CHPT1: variants seen among roughly 807,000 people sequenced by gnomAD.
CHPT1 encodes choline phosphotransferase 1, also known as cholinephosphotransferase 1.
CHPT1 carries 36 observed loss-of-function variants against 47.6 expected under a neutral mutation model. The observed-to-expected ratio is 0.76, with a 90% CI of 0.58 to 1.00. The LOEUF is 1.00. Among genes scored for constraint, CHPT1 ranks in the 50% least tolerant of loss-of-function variants. The pLI, the probability that CHPT1 is intolerant of heterozygous loss-of-function variation, is 0.00. For synonymous variants in CHPT1, 194 were observed against 186.3 expected, an observed-to-expected ratio of 1.04 and a Z score of -0.33; for missense variants, 458 against 498.1, an observed-to-expected ratio of 0.92 and a Z score of 0.77.
chr12:101,701,004 A>G lies in CHPT1; in HGVS notation c.273+2870A>G, dbSNP rs151050197. Among the ~76,000 whole-genome samples the G allele has an allele frequency of 7.2e-5, 11 of 152,318 alleles. No individual in the cohort carries two copies. In the East Asian group the frequency reaches 1.7e-3, roughly 24 times the overall value. On this transcript the variant is annotated intron_variant, in intron 1 of 8. Coordinates refer to ENST00000229266, the MANE Select transcript of CHPT1 (RefSeq NM_020244.3). ...TAGATGCTTGGGCTTATCTACTCAT[A>G]TAGGCTTTAATACTGAGTGCATGAA...
chr12:101,703,774 C>T (rs79975057), intron 1 of CHPT1, among the ~76,000 whole-genome samples: 5,474 of 152,156 alleles, frequency 0.036, 329 homozygotes, highest in African/African-American at 0.13. Context: ...TGGGTTAGAG[C>T]AGTTGCAGGA....
intron 5 of CHPT1, among the ~76,000 whole-genome samples, chr12:101,721,076 G>A (rs1951842806): frequency 6.6e-6 from 1 of 152,118 alleles, no homozygotes; most frequent in Admixed American, 6.6e-5. Flanking sequence ...GAGGTCAAGA[G>A]TTCGAGACCA....
chr12:101,722,707 TAAAAAAAA>T lies in CHPT1; in HGVS notation c.781-449_781-442del, dbSNP rs10605402. The stretch of plus-strand genomic sequence containing the variant: ...TGTCTCTACTAAAAACACAAAAAAT[TAAAAAAAA>T]AAAAAAAAAAAGAAAATAGGAAAAA... On this transcript the variant is annotated intron_variant, in intron 5 of 8. Transcript: ENST00000229266. Among the ~76,000 whole-genome samples, 532 of 113,790 alleles carry T rather than the reference TAAAAAAAA, an allele frequency of 4.7e-3. 6 individuals are homozygous for T. The highest frequency in any genetic ancestry group is 0.014 in the African/African-American group (473 of 33,728). The allele number at this position is 113,790 out of a possible 152,430, so 74.7% of individuals were successfully genotyped here.
intron 1 of CHPT1, among the ~76,000 whole-genome samples, chr12:101,700,103 T>C (rs1373438016): frequency 2.0e-5 from 3 of 152,212 alleles, no homozygotes; most frequent in Non-Finnish European, 2.9e-5. Context: ...TTAGTTTTGA[T>C]TGGGTCCAGA....
At chr12:101,711,803 AAAAAGAATTTACTAGTTTG>A (rs1465813516) in intron 1 of CHPT1, among the ~76,000 whole-genome samples, 5 of 148,920 alleles carry the variant, frequency 3.4e-5, no homozygotes, top group Non-Finnish European at 6.0e-5. Context: ...TTTATCTTTA[AAAAAGAATTTACTAGTTTG>A]AAAAGAATTT....
chr12:101,720,687 C>A (rs913394243), intron 5 of CHPT1, among the ~76,000 whole-genome samples: 1 of 152,162 alleles, frequency 6.6e-6, no homozygotes, highest in East Asian at 1.9e-4. Flanking sequence ...TTTAAAAGAA[C>A]TATTCTAATA....
intron 4 of CHPT1, chr12:101,719,847 C>T (rs892023268): frequency 3.1e-5 from 7 of 223,826 alleles, no homozygotes; most frequent in South Asian, 7.4e-5. Flanking sequence ...ATTGATTGCT[C>T]ACAGTCAGTT....
intron 1 of CHPT1, among the ~76,000 whole-genome samples, chr12:101,708,960 T>G (rs1951669929): frequency 6.7e-6 from 1 of 149,158 alleles, no homozygotes; most frequent in African/African-American, 2.4e-5. Flanking sequence ...GGAATAGATC[T>G]CTTCTAACAA....
chr12:101,717,868 G>A (rs1951788195), intron 4 of CHPT1, among the ~76,000 whole-genome samples: 2 of 152,122 alleles, frequency 1.3e-5, no homozygotes, highest in Non-Finnish European at 2.9e-5. Flanking sequence ...AAATTTGAAA[G>A]CAACTAAGAT....
intron 5 of CHPT1, among the ~76,000 whole-genome samples, chr12:101,720,657 T>G (rs1327596903): frequency 6.6e-6 from 1 of 152,226 alleles, no homozygotes; most frequent in Non-Finnish European, 1.5e-5. Flanking sequence ...TAAATTTTAT[T>G]GAAATTTCAC....
At position 101,708,655 on chromosome 12, in the gene CHPT1, T is replaced by C. The variant is rs1220670164; in HGVS notation, c.274-5435T>C. Among the ~76,000 whole-genome samples the C allele has an allele frequency of 6.5e-5, 8 of 123,714 alleles. 2 individuals are homozygous for C. The highest frequency in any genetic ancestry group is 2.5e-4 in the East Asian group (1 of 3,966). The allele number at this position is 123,714 out of a possible 152,430, so 81.2% of individuals were successfully genotyped here. On this transcript the variant is annotated intron_variant, in intron 1 of 8. Coordinates refer to ENST00000229266, the MANE Select transcript of CHPT1 (RefSeq NM_020244.3). ...CAGGGTCTCACTCTGTTGCCCCAGC[T>C]GGAGTGCAGTGGCTCACTTCAACCT...
Position 101,726,980 on chromosome 12 carries a change from G to C in CHPT1, c.1176+576G>C, listed in dbSNP as rs1951961470. ...ATACTAGAATTTAAAAGGGCTACAG[G>C]AATTTTTTAAATAAAATTTGTATTT... is the stretch of plus-strand genomic sequence containing the variant. On this transcript the variant is annotated intron_variant, in intron 8 of 8. Transcript: ENST00000229266. 4.6e-5 allele frequency: 7 copies of C among 152,158 alleles called. No homozygotes were observed. The South Asian group carries it at 1.4e-3, about 31-fold the overall frequency. 9.4% of individuals were successfully genotyped at this position (152,158 alleles called of 1,614,324 possible).
At chr12:101,705,177 C>A (rs185398458) in intron 1 of CHPT1, among the ~76,000 whole-genome samples, 1 of 136,320 alleles carries the variant, frequency 7.3e-6, no homozygotes, top group East Asian at 2.0e-4. Flanking sequence ...GATCCTCCCC[C>A]CTCAGCCTCC....
At chr12:101,702,928 G>T (rs1951574507) in intron 1 of CHPT1, among the ~76,000 whole-genome samples, 1 of 152,206 alleles carries the variant, frequency 6.6e-6, no homozygotes, top group Admixed American at 6.5e-5. Flanking sequence ...CTGCAGCCAT[G>T]GTGCCTCCCT....
intron 1 of CHPT1, among the ~76,000 whole-genome samples, chr12:101,709,873 A>T: frequency 6.7e-6 from 1 of 148,706 alleles, no homozygotes; most frequent in East Asian, 2.0e-4. Flanking sequence ...GGTAGGATAA[A>T]TCTCATCGAA....
At chr12:101,724,810 G>A (rs761560500) in intron 7 of CHPT1, among the ~76,000 whole-genome samples, 46 of 152,120 alleles carry the variant, frequency 3.0e-4, no homozygotes, top group Non-Finnish European at 6.3e-4. Context: ...AGAGAGACAC[G>A]TTAGCCATCT....
intron 1 of CHPT1, among the ~76,000 whole-genome samples, chr12:101,701,554 G>A (rs1021661631): frequency 1.3e-5 from 2 of 152,222 alleles, no homozygotes; most frequent in Non-Finnish European, 2.9e-5. Flanking sequence ...ATACCTTTAA[G>A]TGGGGGCCAG....
intron 4 of CHPT1, among the ~76,000 whole-genome samples, chr12:101,719,122 A>G (rs1951808482): frequency 7.3e-6 from 1 of 136,522 alleles, no homozygotes; most frequent in African/African-American, 2.9e-5. Flanking sequence ...GGGCCACTGC[A>G]CTCCAGCCCT....
intron 1 of CHPT1, among the ~76,000 whole-genome samples, chr12:101,700,175 T>C (rs1228296314): frequency 6.6e-6 from 1 of 152,094 alleles, no homozygotes; most frequent in East Asian, 1.9e-4. Context: ...CTCTTCAATG[T>C]TATTATTAAT....
Sources: gnomAD v4.1 joint callset for allele counts (sites outside exome capture counted in the v4.1 genomes callset) on GRCh38, gnomAD v4.1.1 for gene constraint, MANE v1.5 for transcripts, NCBI Gene and HGNC (gene_info 2026-07-23, HGNC 2026-07-21) for gene names.